Variants in POTEF observed in about 807,000 individuals in gnomAD.
The protein encoded by POTEF is ANKRD26-like family C member 1B.
POTEF carries 20 observed loss-of-function variants against 83.2 expected under a neutral mutation model. The observed-to-expected ratio is 0.24, with a 90% CI of 0.17 to 0.35. The LOEUF (loss-of-function observed/expected upper bound fraction) is 0.35, where lower values mean the gene tolerates loss of function less well. Among genes scored for constraint, POTEF ranks in the 10% least tolerant of loss-of-function variants. The pLI, the probability that POTEF is intolerant of heterozygous loss-of-function variation, is 1.00. For synonymous variants in POTEF, 196 were observed against 446.4 expected (o/e 0.44, Z 7.07); for missense variants, 550 against 1,203.2 (o/e 0.46, Z 8.03).
chr2:130,117,935 CT>C (rs58113059), intron 3 of POTEF, among the ~76,000 whole-genome samples: 4 of 45,104 alleles, frequency 8.9e-5, no homozygotes, highest in Non-Finnish European at 8.7e-5. Context: ...TATTTCATTC[CT>C]TTTTTTTTTC....
intron 12 of POTEF, among the ~76,000 whole-genome samples, chr2:130,091,481 G>A (rs1292739870): frequency 1.3e-5 from 2 of 152,190 alleles, no homozygotes; most frequent in African/African-American, 2.4e-5. Flanking sequence ...AAAGACACAT[G>A]TGAAGAAAAG....
intron 3 of POTEF, among the ~76,000 whole-genome samples, chr2:130,115,620 C>T (rs1192117031): frequency 6.6e-6 from 1 of 152,114 alleles, no homozygotes; most frequent in East Asian, 1.9e-4. Context: ...CTTTTGGGGT[C>T]TCAGTTTCCT....
chr2:130,103,320 T>A (rs937629011), intron 8 of POTEF, among the ~76,000 whole-genome samples: 1 of 150,544 alleles, frequency 6.6e-6, no homozygotes. Flanking sequence ...ATGATGGTCC[T>A]GATCTTTTGA....
chr2:130,101,849 AATATT>A (rs1014443478), intron 9 of POTEF, among the ~76,000 whole-genome samples: 1 of 138,366 alleles, frequency 7.2e-6, no homozygotes, highest in Non-Finnish European at 1.5e-5. Context: ...TTTAAATAAA[AATATT>A]ATAAGAGTAT....
rs1487644554 is a variant in POTEF, at chr2:130,122,716, A to G, written c.-93-2108T>C. On this transcript the variant is annotated intron_variant, in intron 2 of 16. Transcript: ENST00000409914. ...TTTCAATTTCTTTCATCAATGTGCTATAATTTTCAGTATACAAATCGTTCA... is the reference window on the plus strand; with the variant it reads ...TTTCAATTTCTTTCATCAATGTGCTGTAATTTTCAGTATACAAATCGTTCA... Among the ~76,000 whole-genome samples the G allele has an allele frequency of 2.0e-5, 3 of 151,278 alleles. No individual in the cohort carries two copies. The East Asian group carries it at 5.8e-4, about 29-fold the overall frequency.
At chr2:130,106,495 A>C (rs2104808291) in intron 8 of POTEF, 1 of 100,566 alleles carries the variant, frequency 9.9e-6, no homozygotes, top group Middle Eastern at 3.9e-3. Context: ...CAATCTCATT[A>C]GATGTTCCTT....
chr2:130,119,165 C>CTT lies in POTEF; in HGVS notation c.521+828_521+829dup, dbSNP rs771733018. Reference sequence around the variant, plus strand: ...AGTGATAAATAGAAAAAGCTCCCATCTTTTTTTTTTTTTTTTGAAACGGAG... The same window carrying CTT: ...AGTGATAAATAGAAAAAGCTCCCATCTTTTTTTTTTTTTTTTTTGAAACGGAG... On this transcript the variant is annotated intron_variant, in intron 3 of 16. Coordinates refer to ENST00000409914, the MANE Select transcript of POTEF (RefSeq NM_001099771.2). Among the ~76,000 whole-genome samples, 410 of 139,010 alleles carry CTT rather than the reference C, an allele frequency of 2.9e-3. 3 individuals are homozygous for CTT. Among genetic ancestry groups the CTT allele is most frequent in the Admixed American group, 0.012 (170 of 13,780 alleles). The allele number at this position is 139,010 out of a possible 152,430, so 91.2% of individuals were successfully genotyped here. A position where few individuals can be genotyped will look rare whatever the true frequency, so the allele number is the denominator to read the frequency against.
intron 3 of POTEF, among the ~76,000 whole-genome samples, chr2:130,119,190 G>A (rs1003425239): frequency 1.2e-4 from 18 of 148,752 alleles, no homozygotes; most frequent in Non-Finnish European, 2.2e-4. Flanking sequence ...TTGAAACGGA[G>A]TCTCGCTCTG....
intron 8 of POTEF, among the ~76,000 whole-genome samples, chr2:130,103,440 T>C (rs1684429164): frequency 6.7e-6 from 1 of 149,098 alleles, no homozygotes; most frequent in South Asian, 2.1e-4. Flanking sequence ...AACGTCTTCC[T>C]TGATTCTGCA....
chr2:130,126,924 A>G (rs897413804), intron 2 of POTEF, among the ~76,000 whole-genome samples: 5 of 152,048 alleles, frequency 3.3e-5, no homozygotes, highest in Non-Finnish European at 7.3e-5. Flanking sequence ...GACTAGAATA[A>G]GCAAAAAGAA....
intron 8 of POTEF, among the ~76,000 whole-genome samples, chr2:130,107,225 C>G (rs528277183): frequency 6.9e-4 from 102 of 148,730 alleles, no homozygotes; most frequent in African/African-American, 2.5e-3. Flanking sequence ...GCATCTTGTT[C>G]TAACAAAATT....
chr2:130,118,263 T>C (rs912182192), intron 3 of POTEF, among the ~76,000 whole-genome samples: 3 of 151,916 alleles, frequency 2.0e-5, no homozygotes, highest in African/African-American at 7.3e-5. Context: ...CTAACTTAAA[T>C]AGAAAACAGT....
Position 130,100,783 on chromosome 2 carries a change from G to C in POTEF, c.1198-63C>G, listed in dbSNP as rs1488202246. On this transcript the variant is annotated intron_variant, in intron 9 of 16. Transcript: ENST00000409914. ...TGTTTCTGTGATGTGTCCTCTTTTG[G>C]AGCGCATGTTTTAAAAAAATTTTAT... The C allele has an allele frequency of 3.4e-5, 53 of 1,576,666 alleles. No individual in the cohort carries two copies. The African/African-American group carries it at 6.1e-4, about 18-fold the overall frequency.
Position 130,074,152 on chromosome 2 carries a change from GA to G in POTEF, c.*91del, listed in dbSNP as rs1683700815. The G allele has an allele frequency of 7.1e-7, 1 of 1,402,118 alleles. No homozygotes were observed. The highest frequency in any genetic ancestry group is 2.3e-5 in the East Asian group (1 of 43,544). 86.9% of individuals were successfully genotyped at this position (1,402,118 alleles called of 1,614,324 possible). A position where few individuals can be genotyped will look rare whatever the true frequency, so the allele number is the denominator to read the frequency against. On this transcript the variant is annotated 3_prime_UTR_variant, in exon 17 of 17. Coordinates refer to ENST00000409914, the MANE Select transcript of POTEF (RefSeq NM_001099771.2). ...AAAAACAAAACAAAAAATGAAACAA[GA>G]AAACAAATAAAGCCATGCCAATCTC... is the stretch of plus-strand genomic sequence containing the variant.
intron 2 of POTEF, among the ~76,000 whole-genome samples, chr2:130,125,916 A>C (rs1685080705): frequency 6.6e-6 from 1 of 151,684 alleles, no homozygotes; most frequent in Non-Finnish European, 1.5e-5. Context: ...CAAAAAAAAA[A>C]AAAATTACAC....
intron 8 of POTEF, among the ~76,000 whole-genome samples, chr2:130,104,094 G>A (rs1408944231): frequency 3.3e-5 from 5 of 150,126 alleles, no homozygotes; most frequent in Admixed American, 6.6e-5. Context: ...ATTAAGACAA[G>A]GTGACAGATA....
In POTEF at chr2:130,075,008, T is replaced by A; in HGVS notation, c.2464A>T (p.Ile822Phe). The A allele has an allele frequency of 6.2e-7, 1 of 1,613,322 alleles. No individual in the cohort carries two copies. The highest frequency in any genetic ancestry group is 8.5e-7 in the Non-Finnish European group (1 of 1,179,884). The change falls in exon 17 of 17, where the codon ATC (isoleucine) becomes TTC (phenylalanine). Residue 822 changes from isoleucine to phenylalanine, a missense_variant. By Grantham distance (21) the Ile-to-Phe change is conservative. Transcript: ENST00000409914. Reference protein sequence around the residue: ...PKANREKMTQIMFETFNTPAM... With the variant: ...PKANREKMTQFMFETFNTPAM... ...GGGGTGTTGAAGGTCTCAAACATGA[T>A]CTGGGTCATCTTCTCGCGGTTGGCC...
At chr2:130,100,913 T>C (rs992610990) in intron 9 of POTEF, among the ~76,000 whole-genome samples, 193 bp from the exon 10 acceptor site, 18 of 148,522 alleles carry the variant, frequency 1.2e-4, no homozygotes, top group African/African-American at 3.4e-4. Context: ...CTTTTTAATC[T>C]ATGTTTAGCT....
At chr2:130,128,742 C>A (rs769229554) in intron 1 of POTEF, among the ~76,000 whole-genome samples, 18 of 128,700 alleles carry the variant, frequency 1.4e-4, no homozygotes, top group African/African-American at 5.2e-4. Flanking sequence ...AACCACCCCC[C>A]GCTGCCAGCA....
Sources: gnomAD v4.1 joint callset for allele counts (sites outside exome capture counted in the v4.1 genomes callset) on GRCh38, gnomAD v4.1.1 for gene constraint, MANE v1.5 for transcripts, NCBI Gene and HGNC (gene_info 2026-07-23, HGNC 2026-07-21) for gene names.